Variants in FAT3 observed in about 807,000 individuals in gnomAD.
FAT3 encodes the protein protocadherin Fat 3.
Under a neutral mutation model 310.2 loss-of-function variants are expected in FAT3, and 95 were observed. The ratio of observed to expected loss-of-function variants is 0.31; its 90% CI spans 0.26 to 0.36. The LOEUF is 0.36. Among genes scored for constraint, FAT3 ranks in the 10% least tolerant of loss-of-function variants. The pLI, the probability that FAT3 is intolerant of heterozygous loss-of-function variation, is 1.00. For missense variants in FAT3, 5,408 were observed against 5,715.6 expected (o/e 0.95, Z 1.74); for synonymous variants, 2,314 against 2,192.9 (o/e 1.06, Z -1.54).
intron 3 of FAT3, among the ~76,000 whole-genome samples, chr11:92,610,755 C>T (rs910263363): frequency 2.0e-5 from 3 of 152,166 alleles, no homozygotes; most frequent in Admixed American, 6.5e-5. Context: ...TTCTTCCCCT[C>T]ACTCCTACAA....
At chr11:92,832,118 TC>T in intron 14 of FAT3, 107 bp downstream of exon 14, 1 of 1,275,716 alleles carries the variant, frequency 7.8e-7, no homozygotes, top group Non-Finnish European at 1.1e-6. Context: ...ATCGAGTGAG[TC>T]CAGGAGTTCA....
At chr11:92,251,668 A>AT (rs1219590139) in intron 1 of FAT3, among the ~76,000 whole-genome samples, 1 of 152,124 alleles carries the variant, frequency 6.6e-6, no homozygotes, top group South Asian at 2.1e-4. Flanking sequence ...CATGAGTTAT[A>AT]TTTTTTAATT....
At chr11:92,245,107 T>C (rs1451557626) in intron 1 of FAT3, among the ~76,000 whole-genome samples, 2 of 152,076 alleles carry the variant, frequency 1.3e-5, no homozygotes, top group Non-Finnish European at 2.9e-5. Context: ...CCATGAATGA[T>C]AGACTGTATA....
chr11:92,739,183 A>C (rs1375688975), intron 4 of FAT3, among the ~76,000 whole-genome samples: 5 of 152,190 alleles, frequency 3.3e-5, no homozygotes, highest in Admixed American at 2.0e-4. Flanking sequence ...GACTCTGATT[A>C]TCTGATTTCA....
intron 2 of FAT3, among the ~76,000 whole-genome samples, chr11:92,493,151 C>A (rs1483000826): frequency 6.6e-6 from 1 of 152,084 alleles, no homozygotes; most frequent in Admixed American, 6.6e-5. Flanking sequence ...ATGTCTCAAA[C>A]CTGCCTGCAC....
chr11:92,373,199 G>A (rs1049683806), intron 2 of FAT3, among the ~76,000 whole-genome samples: 5 of 151,934 alleles, frequency 3.3e-5, no homozygotes, highest in African/African-American at 4.8e-5. Context: ...CACCACTATC[G>A]TCTAGTACTT....
chr11:92,266,398 C>T (rs1223425028), intron 1 of FAT3, among the ~76,000 whole-genome samples: 1 of 152,142 alleles, frequency 6.6e-6, no homozygotes, highest in African/African-American at 2.4e-5. Flanking sequence ...ACGTACAAAT[C>T]CTCTTTGATA....
At chr11:92,364,091 A>G (rs1565260200) in intron 2 of FAT3, among the ~76,000 whole-genome samples, 1 of 152,112 alleles carries the variant, frequency 6.6e-6, no homozygotes, top group Non-Finnish European at 1.5e-5. Flanking sequence ...TTGTCTCTGT[A>G]TAACTAGTAA....
rs114307255 is a variant in FAT3, at chr11:92,273,909, T to A, written c.-18+48735T>A. Among the ~76,000 whole-genome samples, 1,355 of 152,260 alleles carry A rather than the reference T, an allele frequency of 8.9e-3. 18 individuals are homozygous for A. The highest frequency in any genetic ancestry group is 0.031 in the African/African-American group (1,273 of 41,556). On this transcript the variant is annotated intron_variant, in intron 1 of 27. Transcript: ENST00000525166. The stretch of plus-strand genomic sequence containing the variant: ...ATATGATTATGTTTATTAGAATATT[T>A]CTGATATAATAAACCAACTTTATGA...
chr11:92,821,128 A>G (rs763546477), intron 13 of FAT3, among the ~76,000 whole-genome samples: 11 of 152,182 alleles, frequency 7.2e-5, no homozygotes, highest in Non-Finnish European at 1.5e-4. Flanking sequence ...TCTTATGGAA[A>G]TGCCATCCTA....
At chr11:92,725,551 A>G (rs190371253) in intron 4 of FAT3, among the ~76,000 whole-genome samples, 5 of 152,208 alleles carry the variant, frequency 3.3e-5, no homozygotes, top group Non-Finnish European at 5.9e-5. Flanking sequence ...AATAGAAGAA[A>G]AAAAAGAAAA....
At chr11:92,377,820 C>T (rs139990506) in intron 2 of FAT3, among the ~76,000 whole-genome samples, 282 of 152,316 alleles carry the variant, frequency 1.9e-3, no homozygotes, top group African/African-American at 6.4e-3. Context: ...GTAGATGCAA[C>T]AGCAGCTCAG....
intron 1 of FAT3, among the ~76,000 whole-genome samples, chr11:92,342,703 T>C (rs1948296225): frequency 6.6e-6 from 1 of 152,204 alleles, no homozygotes; most frequent in African/African-American, 2.4e-5. Flanking sequence ...GTGCTATTAC[T>C]AGAAAAGGTT....
chr11:92,673,428 A>G (rs1387312195), intron 3 of FAT3, among the ~76,000 whole-genome samples: 1 of 152,196 alleles, frequency 6.6e-6, no homozygotes, highest in Non-Finnish European at 1.5e-5. Context: ...GCTGTTTTAG[A>G]TAACTCATGG....
intron 2 of FAT3, among the ~76,000 whole-genome samples, chr11:92,454,095 TAA>T (rs1386764470): frequency 6.6e-6 from 1 of 152,176 alleles, no homozygotes; most frequent in African/African-American, 2.4e-5. Flanking sequence ...TAATGAAAAT[TAA>T]AAGTTATTGG....
intron 22 of FAT3, among the ~76,000 whole-genome samples, chr11:92,877,541 C>T (rs1354193958): frequency 1.3e-5 from 2 of 152,130 alleles, no homozygotes; most frequent in Non-Finnish European, 2.9e-5. Flanking sequence ...ACCACCCAAC[C>T]TCCCAGTATT....
chr11:92,731,296 A>G (rs1198728341), intron 4 of FAT3, among the ~76,000 whole-genome samples: 1 of 152,158 alleles, frequency 6.6e-6, no homozygotes, highest in Non-Finnish European at 1.5e-5. Context: ...GCCTGGAGAC[A>G]GTTTTTGGTT....
intron 2 of FAT3, among the ~76,000 whole-genome samples, chr11:92,428,724 T>C (rs2135014388): frequency 6.6e-6 from 1 of 152,342 alleles, no homozygotes; most frequent in East Asian, 1.9e-4. Flanking sequence ...GAGTTCTAAT[T>C]TGATTGCACC....
chr11:92,312,220 G>A (rs897477087), intron 1 of FAT3, among the ~76,000 whole-genome samples: 1 of 152,160 alleles, frequency 6.6e-6, no homozygotes, highest in Non-Finnish European at 1.5e-5. Flanking sequence ...ACAGGAATTC[G>A]TGATTCTGTA....
Sources: gnomAD v4.1 joint callset for allele counts (sites outside exome capture counted in the v4.1 genomes callset) on GRCh38, gnomAD v4.1.1 for gene constraint, MANE v1.5 for transcripts, NCBI Gene and HGNC (gene_info 2026-07-23, HGNC 2026-07-21) for gene names.